The following RYR2 variants were observed in gnomAD, a reference collection of about 807,000 sequenced individuals.
RYR2 encodes ryanodine receptor 2.
A neutral mutation model predicts 601.1 loss-of-function variants in RYR2; 227 were observed. That is an observed-to-expected ratio of 0.38 (90% CI 0.34 to 0.42). The LOEUF (loss-of-function observed/expected upper bound fraction) is 0.42, where lower values mean the gene tolerates loss of function less well. Among genes scored for constraint, RYR2 ranks in the 10% least tolerant of loss-of-function variants. The pLI, the probability that RYR2 is intolerant of heterozygous loss-of-function variation, is 1.00. For missense variants in RYR2, 4,646 were observed against 6,156.5 expected (o/e 0.75, Z 8.21); for synonymous variants, 2,223 against 2,175.1 (o/e 1.02, Z -0.61).
intron 48 of RYR2, among the ~76,000 whole-genome samples, chr1:237,643,706 G>A (rs565061135): frequency 2.0e-4 from 30 of 151,142 alleles, no homozygotes; most frequent in African/African-American, 6.6e-4. Flanking sequence ...TCCGCCTCCC[G>A]GGTTCAAGCA....
At chr1:237,704,345 C>A (rs1688191839) in intron 66 of RYR2, among the ~76,000 whole-genome samples, 1 of 152,038 alleles carries the variant, frequency 6.6e-6, no homozygotes, top group South Asian at 2.1e-4. Context: ...TTTTTAAAAT[C>A]ATCAACCATT....
intron 82 of RYR2, among the ~76,000 whole-genome samples, chr1:237,759,218 C>G (rs1157993953): frequency 1.3e-5 from 2 of 152,158 alleles, no homozygotes; most frequent in Non-Finnish European, 2.9e-5. Context: ...TCCCGAGTAG[C>G]TGGGACTACA....
chr1:237,515,475 G>A (rs1289756731), intron 24 of RYR2, among the ~76,000 whole-genome samples: 1 of 152,090 alleles, frequency 6.6e-6, no homozygotes, highest in Non-Finnish European at 1.5e-5. Flanking sequence ...GTGAAGGATG[G>A]GAGGAATAGT....
At chr1:237,245,790 T>G (rs1442302705) in intron 1 of RYR2, among the ~76,000 whole-genome samples, 1 of 152,216 alleles carries the variant, frequency 6.6e-6, no homozygotes, top group Admixed American at 6.5e-5. Context: ...TTTTTTCTTT[T>G]TATTTTTTTG....
At chr1:237,265,565 A>G (rs1431944986) in intron 1 of RYR2, among the ~76,000 whole-genome samples, 1 of 152,078 alleles carries the variant, frequency 6.6e-6, no homozygotes, top group Non-Finnish European at 1.5e-5. Context: ...CAAGTGATCC[A>G]CCCGCCTGGG....
intron 1 of RYR2, among the ~76,000 whole-genome samples, chr1:237,127,352 T>C (rs1365938413): frequency 1.4e-5 from 2 of 140,840 alleles, no homozygotes; most frequent in South Asian, 2.4e-4. Context: ...CACTTCCCAG[T>C]AGGGGCGGCT....
intron 98 of RYR2, among the ~76,000 whole-genome samples, chr1:237,805,331 A>G (rs566371519): frequency 6.6e-6 from 1 of 152,288 alleles, no homozygotes; most frequent in South Asian, 2.1e-4. Context: ...CTGTAATCCC[A>G]GCACTTTGGG....
intron 1 of RYR2, among the ~76,000 whole-genome samples, chr1:237,202,188 C>T (rs1268648725): frequency 6.6e-6 from 1 of 152,158 alleles, no homozygotes; most frequent in Non-Finnish European, 1.5e-5. Flanking sequence ...TTAACATTTC[C>T]CTCAAGGTAG....
chr1:237,058,093 T>C (rs1215266558), intron 1 of RYR2, among the ~76,000 whole-genome samples: 1 of 152,176 alleles, frequency 6.6e-6, no homozygotes, highest in Non-Finnish European at 1.5e-5. Flanking sequence ...TGGGAGAAGC[T>C]GATATTGCTG....
intron 100 of RYR2, among the ~76,000 whole-genome samples, chr1:237,809,323 C>A (rs753367219): frequency 6.6e-6 from 1 of 152,132 alleles, no homozygotes; most frequent in African/African-American, 2.4e-5. Context: ...TTCACATATC[C>A]CAGGACAACG....
At chr1:237,421,201 T>C (rs1705534611) in intron 11 of RYR2, among the ~76,000 whole-genome samples, 1 of 152,222 alleles carries the variant, frequency 6.6e-6, no homozygotes, top group African/African-American at 2.4e-5. Context: ...ATCGCGCCAC[T>C]GTACTCCAGC....
At chr1:237,623,383 C>A (rs796237793) in intron 38 of RYR2, among the ~76,000 whole-genome samples, 1 of 108,846 alleles carries the variant, frequency 9.2e-6, no homozygotes, top group African/African-American at 3.8e-5. Context: ...TTCTTTCTTT[C>A]TTTTTTTTTT....
At chr1:237,284,494 A>T (rs12096203) in intron 2 of RYR2, among the ~76,000 whole-genome samples, 1 of 48,108 alleles carries the variant, frequency 2.1e-5, no homozygotes, top group South Asian at 7.9e-4. Flanking sequence ...ATAATATATA[A>T]AATATATATA....
chr1:237,511,724 G>C lies in RYR2; in HGVS notation c.2755G>C (p.Val919Leu). The C allele has an allele frequency of 6.4e-7, 1 of 1,574,180 alleles. No homozygotes were observed. The highest frequency in any genetic ancestry group is 8.6e-7 in the Non-Finnish European group (1 of 1,157,974). Reference sequence around the variant, plus strand: ...CAACAAGAGACAACACCCATGCCTGGTGGAGTTCTCCAAGCTGCCTGAACA... The same window carrying C: ...CAACAAGAGACAACACCCATGCCTGCTGGAGTTCTCCAAGCTGCCTGAACA... ...DDNKRQHPCLVEFSKLPEQER... is the reference protein window; with the variant it reads ...DDNKRQHPCLLEFSKLPEQER... The change falls in exon 24 of 105, where the codon GTG becomes CTG. Residue 919 changes from valine (V) to leucine (L), a missense_variant. This residue lies in a region of RYR2 where 1,807 missense variants were observed against 2,088.1 expected (regional missense o/e 0.87). Transcript: ENST00000366574.
At chr1:237,791,558 A>C (rs750171791) in intron 93 of RYR2, 43 bp downstream of exon 93, 1 of 942,710 alleles carries the variant, frequency 1.1e-6, no homozygotes, top group African/African-American at 1.6e-5. Flanking sequence ...TAAAACTCCA[A>C]ATAGAAATGA....
intron 99 of RYR2, among the ~76,000 whole-genome samples, chr1:237,807,386 T>C (rs940107785): frequency 2.0e-5 from 3 of 152,230 alleles, no homozygotes; most frequent in African/African-American, 7.2e-5. Context: ...AGTCTTGCTC[T>C]GTCACCCAGG....
At chr1:237,693,171 TGTA>T (rs1208236730) in intron 63 of RYR2, among the ~76,000 whole-genome samples, 5 of 152,084 alleles carry the variant, frequency 3.3e-5, no homozygotes, top group African/African-American at 9.7e-5. Context: ...TTAAGAAAAA[TGTA>T]GTACCTAATT....
At chr1:237,814,873 C>T (rs1338887328) in intron 100 of RYR2, among the ~76,000 whole-genome samples, 1 of 151,800 alleles carries the variant, frequency 6.6e-6, no homozygotes, top group South Asian at 2.1e-4. Context: ...AATAAACTTG[C>T]TTAGGTAATT....
intron 47 of RYR2, among the ~76,000 whole-genome samples, chr1:237,641,698 C>T (rs1041563268): frequency 3.9e-5 from 6 of 152,024 alleles, no homozygotes; most frequent in Non-Finnish European, 8.8e-5. Context: ...CATGCCACCA[C>T]GCCCAACTAA....
Sources: gnomAD v4.1 joint callset for allele counts (sites outside exome capture counted in the v4.1 genomes callset) on GRCh38, gnomAD v4.1.1 for gene constraint, gnomAD v4.1.1 regional missense constraint, MANE v1.5 for transcripts, NCBI Gene and HGNC (gene_info 2026-07-23, HGNC 2026-07-21) for gene names.